TBCK: variants seen among roughly 807,000 people sequenced by gnomAD.
The protein encoded by TBCK is TBC1 domain containing kinase.
TBCK carries 99 observed loss-of-function variants against 113.4 expected under a neutral mutation model. The ratio of observed to expected loss-of-function variants is 0.87; its 90% CI spans 0.74 to 1.03. The LOEUF is 1.03. TBCK is among the 50% of genes least tolerant of loss of function. The probability of loss-of-function intolerance (pLI) is 0.00; values close to 1 mark genes in which losing one functional copy is unlikely to be tolerated. For synonymous variants in TBCK, 369 were observed against 370.8 expected (o/e 1.00, Z 0.05); for missense variants, 1,045 against 1,061.3 (o/e 0.98, Z 0.21).
chr4:106,096,560 T>C (rs1027492103), intron 24 of TBCK, among the ~76,000 whole-genome samples: 7 of 152,166 alleles, frequency 4.6e-5, no homozygotes, highest in African/African-American at 7.2e-5. Flanking sequence ...AGCAGACATG[T>C]TTGGGCTGCC....
At chr4:106,221,273 C>CTG (rs1757648140) in intron 19 of TBCK, among the ~76,000 whole-genome samples, 1 of 152,182 alleles carries the variant, frequency 6.6e-6, no homozygotes, top group African/African-American at 2.4e-5. Flanking sequence ...GCATGAGCCA[C>CTG]TGTGCCTGGC....
At chr4:106,309,105 AAT>A in intron 1 of TBCK, 116 bp from the exon 2 acceptor site, 1 of 577,924 alleles carries the variant, frequency 1.7e-6, no homozygotes, top group Non-Finnish European at 2.9e-6. Flanking sequence ...TCACAGTAAA[AAT>A]ATCAAAGTAT....
chr4:106,219,518 T>C (rs766026196), intron 19 of TBCK, among the ~76,000 whole-genome samples: 1 of 152,116 alleles, frequency 6.6e-6, no homozygotes, highest in Non-Finnish European at 1.5e-5. Flanking sequence ...TTAGAATTCA[T>C]AGAGTTCAGT....
At chr4:106,192,911 G>A (rs1182616224) in intron 22 of TBCK, among the ~76,000 whole-genome samples, 1 of 152,062 alleles carries the variant, frequency 6.6e-6, no homozygotes, top group Non-Finnish European at 1.5e-5. Context: ...ATAAAGTACT[G>A]TGAAGTTTTT....
chr4:106,098,682 T>C (rs1318123502), intron 24 of TBCK, among the ~76,000 whole-genome samples: 1 of 152,100 alleles, frequency 6.6e-6, no homozygotes, highest in Non-Finnish European at 1.5e-5. Context: ...AGCAGTCACT[T>C]TACCACGTGT....
At chr4:106,263,665 A>G (rs1762713473) in intron 3 of TBCK, among the ~76,000 whole-genome samples, 1 of 151,962 alleles carries the variant, frequency 6.6e-6, no homozygotes, top group South Asian at 2.1e-4. Flanking sequence ...ATACCTTAAT[A>G]ATCCTGACTT....
chr4:106,295,043 T>C, intron 3 of TBCK, 51 bp downstream of exon 3: 1 of 1,488,322 alleles, frequency 6.7e-7, no homozygotes, highest in South Asian at 1.3e-5. Context: ...AAATGCCTTT[T>C]TGTTTGCCAA....
At chr4:106,140,717 AT>A (rs558600911) in intron 23 of TBCK, among the ~76,000 whole-genome samples, 6,106 of 134,332 alleles carry the variant, frequency 0.045, 820 homozygotes, top group African/African-American at 0.15. Flanking sequence ...GTCTAGTTAA[AT>A]TTTTTTTTTT....
At chr4:106,297,160 A>T (rs1766402397) in intron 2 of TBCK, among the ~76,000 whole-genome samples, 1 of 152,008 alleles carries the variant, frequency 6.6e-6, no homozygotes, top group Non-Finnish European at 1.5e-5. Flanking sequence ...CTGTTTTCTC[A>T]TCTATTCCCA....
intron 23 of TBCK, 136 bp downstream of exon 23, chr4:106,170,959 T>A (rs1337851066): frequency 1.6e-6 from 1 of 642,736 alleles, no homozygotes; most frequent in Non-Finnish European, 2.4e-6. Context: ...TTTCTATGAA[T>A]CAAATCATGT....
chr4:106,210,143 A>G (rs1342615957), intron 20 of TBCK, among the ~76,000 whole-genome samples: 1 of 152,192 alleles, frequency 6.6e-6, no homozygotes, highest in Admixed American at 6.5e-5. Flanking sequence ...CTTGGAAAGC[A>G]GAAATGGAAT....
At chr4:106,298,054 A>C (rs1766499805) in intron 2 of TBCK, among the ~76,000 whole-genome samples, 1 of 152,118 alleles carries the variant, frequency 6.6e-6, no homozygotes, top group African/African-American at 2.4e-5. Flanking sequence ...TCATCCCCCC[A>C]ACATCGATTT....
chr4:106,197,213 T>C (rs1754328123), intron 20 of TBCK, among the ~76,000 whole-genome samples: 2 of 151,900 alleles, frequency 1.3e-5, no homozygotes, highest in African/African-American at 4.8e-5. Flanking sequence ...GTAGGAAATC[T>C]GGGGAGATCA....
intron 23 of TBCK, among the ~76,000 whole-genome samples, chr4:106,153,799 T>C (rs1290056600): frequency 1.3e-5 from 2 of 152,130 alleles, no homozygotes; most frequent in Non-Finnish European, 2.9e-5. Context: ...TTTACCATTA[T>C]ATAATGACTT....
chr4:106,252,318 T>C (rs1220037543), intron 5 of TBCK, among the ~76,000 whole-genome samples: 1 of 152,086 alleles, frequency 6.6e-6, no homozygotes, highest in East Asian at 1.9e-4. Flanking sequence ...TCCTTCTTAT[T>C]GCCTATCTTC....
At chr4:106,138,652 T>C (rs1261233125) in intron 23 of TBCK, among the ~76,000 whole-genome samples, 1 of 141,060 alleles carries the variant, frequency 7.1e-6, no homozygotes, top group East Asian at 2.0e-4. Flanking sequence ...AAAGTGGCAA[T>C]GTAGGGTGGT....
chr4:106,236,526 AAG>A lies in TBCK; in HGVS notation c.1221-9_1221-8del, dbSNP rs761270801. 3.2e-5 allele frequency: 48 copies of A among 1,490,006 alleles called. 1 individual carries two copies. The highest frequency in any genetic ancestry group is 2.2e-5 in the Non-Finnish European group (25 of 1,123,590). The allele number at this position is 1,490,006 out of a possible 1,614,324, so 92.3% of individuals were successfully genotyped here. A position where few individuals can be genotyped will look rare whatever the true frequency, so the allele number is the denominator to read the frequency against. ...ATGAGGTAAATTAGACTGGCTGTAA[AAG>A]AGAACAAAAGCAATAAAAAAAAAAA... On this transcript the variant is annotated splice_region_variant and splice_polypyrimidine_tract_variant and intron_variant, in intron 13 of 25. Transcript: ENST00000394708.
At chr4:106,200,672 A>G (rs1354349073) in intron 20 of TBCK, among the ~76,000 whole-genome samples, 1 of 151,852 alleles carries the variant, frequency 6.6e-6, no homozygotes, top group Non-Finnish European at 1.5e-5. Context: ...ATTATTGTCT[A>G]TTTACTCTAG....
chr4:106,121,534 T>C, intron 23 of TBCK, among the ~76,000 whole-genome samples: 1 of 151,524 alleles, frequency 6.6e-6, no homozygotes, highest in Non-Finnish European at 1.5e-5. Flanking sequence ...CTAATAGACA[T>C]CTACAGAACT....
Sources: gnomAD v4.1 joint callset for allele counts (sites outside exome capture counted in the v4.1 genomes callset) on GRCh38, gnomAD v4.1.1 for gene constraint, MANE v1.5 for transcripts, NCBI Gene and HGNC (gene_info 2026-07-23, HGNC 2026-07-21) for gene names.